Variants in MGAT2 observed in about 807,000 individuals in gnomAD.
The protein encoded by MGAT2 is Beta-1,2-N-acetylglucosaminyltransferase II.
Under a neutral mutation model 33.8 loss-of-function variants are expected in MGAT2, and 17 were observed. The ratio of observed to expected loss-of-function variants is 0.50; its 90% CI spans 0.34 to 0.76. The LOEUF is 0.76. Among genes scored for constraint, MGAT2 ranks in the 30% least tolerant of loss-of-function variants. MGAT2 has a pLI of 0.01. For missense variants in MGAT2, 529 were observed against 553.9 expected (o/e 0.96, Z 0.45); for synonymous variants, 248 against 226.7 (o/e 1.09, Z -0.84).
chr14:49,621,420 G>A lies in MGAT2; in HGVS notation c.152G>A (p.Gly51Asp). ...LLDAEPARGA[G>D]GRGGDHPSVA... ...GACGCCGAACCCGCGCGGGGTGCCG[G>A]CGGCCGCGGTGGGGACCACCCCTCT... The change falls in exon 1 of 1, where the codon GGC (glycine) becomes GAC (aspartate). Residue 51 changes from glycine (G) to aspartate (D), a missense_variant. Gly to Asp is a moderately conservative substitution (Grantham distance 94). This residue lies in a region of MGAT2 where 501 missense variants were observed against 501.1 expected (regional missense o/e 1.00). Transcript: ENST00000305386. The surrounding 1 kb of genome is among the most constrained non-coding windows in gnomAD (Gnocchi z 4.6). 1.2e-6 allele frequency: 2 copies of A among 1,608,016 alleles called. No homozygotes were observed.
Position 49,621,874 on chromosome 14 carries a change from G to T in MGAT2, c.606G>T (p.Lys202Asn). The change falls in exon 1 of 1, where the codon AAG (lysine) becomes AAT (asparagine). Residue 202 changes from lysine to asparagine, a missense_variant. Physicochemically the swap from Lys to Asn is moderately conservative, Grantham distance 94. This residue lies in a region of MGAT2 where 501 missense variants were observed against 501.1 expected (regional missense o/e 1.00). Transcript: ENST00000305386. This position sits in a 1 kb window ranked among gnomAD's most constrained non-coding sequence, Gnocchi z 4.6. ...DPRDCPRDLP[K>N]NAALKLGCIN... The stretch of plus-strand genomic sequence containing the variant: ...GAGATTGTCCCAGAGACCTGCCGAA[G>T]AATGCCGCTTTGAAATTGGGGTGCA... 1.2e-6 allele frequency: 2 copies of T among 1,614,180 alleles called. No homozygotes were observed. The highest frequency in any genetic ancestry group is 1.7e-6 in the Non-Finnish European group (2 of 1,180,040).
chr14:49,621,223 T>C lies in MGAT2; in HGVS notation c.-46T>C. On this transcript the variant is annotated 5_prime_UTR_variant, in exon 1 of 1. Transcript: ENST00000305386. The surrounding 1 kb of genome is among the most constrained non-coding windows in gnomAD (Gnocchi z 4.6). ...CCCGCCCCTTCCGTGCAGAAGCAGCTGCTCCTTTCCGCGCCCGCCCGCCTG... is the reference window on the plus strand; with the variant it reads ...CCCGCCCCTTCCGTGCAGAAGCAGCCGCTCCTTTCCGCGCCCGCCCGCCTG... 6.2e-7 allele frequency: 1 copy of C among 1,608,666 alleles called. No homozygotes were observed. The highest frequency in any genetic ancestry group is 8.5e-7 in the Non-Finnish European group (1 of 1,178,608).
At position 49,621,666 on chromosome 14, in the gene MGAT2, T is replaced by C. The variant is rs377539042; in HGVS notation, c.398T>C (p.Leu133Pro). 9 of 1,614,182 alleles carry C rather than the reference T, an allele frequency of 5.6e-6. No homozygotes were observed. Among genetic ancestry groups the C allele is most frequent in the Non-Finnish European group, 7.6e-6 (9 of 1,179,990 alleles). ...QVHNRPEYLRLLLDSLRKAQG... is the reference protein window; with the variant it reads ...QVHNRPEYLRPLLDSLRKAQG... ...CATAACCGGCCCGAATACCTCAGACTGCTGCTGGACTCACTTCGAAAAGCC... is the reference window on the plus strand; with the variant it reads ...CATAACCGGCCCGAATACCTCAGACCGCTGCTGGACTCACTTCGAAAAGCC... Residue 133 changes from leucine to proline, a missense_variant, in exon 1 of 1, where the codon CTG becomes CCG. By Grantham distance (98) the Leu-to-Pro change is moderately conservative. Coordinates refer to ENST00000305386, the MANE Select transcript of MGAT2 (RefSeq NM_002408.4). This position sits in a 1 kb window ranked among gnomAD's most constrained non-coding sequence, Gnocchi z 4.6.
Position 49,622,871 on chromosome 14 carries a change from G to T in MGAT2, c.*259G>T. The stretch of plus-strand genomic sequence containing the variant: ...GATTATTGTTGATATGAGAGAAGAG[G>T]GGAAATTTTATTTAAATTGCATTTA... On this transcript the variant is annotated 3_prime_UTR_variant, in exon 1 of 1. Transcript: ENST00000305386. 2 of 299,916 alleles carry T rather than the reference G, an allele frequency of 6.7e-6. No individual in the cohort carries two copies. The highest frequency in any genetic ancestry group is 1.3e-5 in the Non-Finnish European group (2 of 155,438). The allele number at this position is 299,916 out of a possible 1,614,324, so 18.6% of individuals were successfully genotyped here. A position where few individuals can be genotyped will look rare whatever the true frequency, so the allele number is the denominator to read the frequency against.
chr14:49,621,154 G>A lies in MGAT2; in HGVS notation c.-115G>A, dbSNP rs1403593661. On this transcript the variant is annotated 5_prime_UTR_variant, in exon 1 of 1. Transcript: ENST00000305386. The surrounding 1 kb of genome is among the most constrained non-coding windows in gnomAD (Gnocchi z 4.6). ...ATGAGTTAGCGAGGGCAGCCGCGGGGGCCAGTTCCGACCGTGACAGGCCAA... is the reference window on the plus strand; with the variant it reads ...ATGAGTTAGCGAGGGCAGCCGCGGGAGCCAGTTCCGACCGTGACAGGCCAA... 3 of 1,494,388 alleles carry A rather than the reference G, an allele frequency of 2.0e-6. No homozygotes were observed. The highest frequency in any genetic ancestry group is 1.9e-5 in the Admixed American group (1 of 51,952). 92.6% of individuals were successfully genotyped at this position (1,494,388 alleles called of 1,614,324 possible).
rs756139772 is a variant in MGAT2, at chr14:49,623,267, TTTG to T, written c.*658_*660del. The T allele has an allele frequency of 1.8e-5, 3 of 166,660 alleles. No individual in the cohort carries two copies. Among genetic ancestry groups the T allele is most frequent in the Admixed American group, 6.5e-5 (1 of 15,274 alleles). 10.3% of individuals were successfully genotyped at this position (166,660 alleles called of 1,614,324 possible). On this transcript the variant is annotated 3_prime_UTR_variant, in exon 1 of 1. Transcript: ENST00000305386. Reference sequence around the variant, plus strand: ...CACCTCAATGTAGAAATACAGTGGTTTTGTTTTTTTTTTTCTTTTAGTGCTGAC... The same window carrying T: ...CACCTCAATGTAGAAATACAGTGGTTTTTTTTTTTTTCTTTTAGTGCTGAC...
At position 49,622,045 on chromosome 14, in the gene MGAT2, A is replaced by G. The variant is rs576013113; in HGVS notation, c.777A>G (p.Glu259=). Reference sequence around the variant, plus strand: ...ATGCTGGCCTTATACTTTTCCTAGAAGAGGATCACTACTTAGCCCCAGACT... The same window carrying G: ...ATGCTGGCCTTATACTTTTCCTAGAGGAGGATCACTACTTAGCCCCAGACT... ...RDYAGLILFL[E]EDHYLAPDFY... is the part of the protein sequence containing the mutation. Residue 259 remains glutamate, a synonymous_variant, in exon 1 of 1, where the codon GAA becomes GAG. Coordinates refer to ENST00000305386, the MANE Select transcript of MGAT2 (RefSeq NM_002408.4). The G allele has an allele frequency of 6.8e-6, 11 of 1,614,214 alleles. No individual in the cohort carries two copies. In the African/African-American group the frequency reaches 1.3e-4, roughly 20 times the overall value.
chr14:49,621,364 G>A lies in MGAT2; in HGVS notation c.96G>A (p.Arg32=), dbSNP rs759649448. 2.5e-6 allele frequency: 4 copies of A among 1,612,022 alleles called. No individual in the cohort carries two copies. The highest frequency in any genetic ancestry group is 3.4e-6 in the Non-Finnish European group (4 of 1,179,446). ...TCTGGAGCAGCAATGGGCGACAAAGGAAGAACGAGGCCCTCGCCCCACCGT... is the reference window on the plus strand; with the variant it reads ...TCTGGAGCAGCAATGGGCGACAAAGAAAGAACGAGGCCCTCGCCCCACCGT... ...FVLWSSNGRQ[R]KNEALAPPLL... is the part of the protein sequence containing the mutation. The change falls in exon 1 of 1, where the codon AGG becomes AGA. Residue 32 remains arginine (R), a synonymous_variant. Coordinates refer to ENST00000305386, the MANE Select transcript of MGAT2 (RefSeq NM_002408.4). The surrounding 1 kb of genome is among the most constrained non-coding windows in gnomAD (Gnocchi z 4.6).
rs1057081825 is a variant in MGAT2, at chr14:49,622,730, TA to T, written c.*122del. ...GCTTTAATACAAAAACAAAATCTTG[TA>T]AAAGGTGTCCAAATACATAGTAATC... On this transcript the variant is annotated 3_prime_UTR_variant, in exon 1 of 1. Coordinates refer to ENST00000305386, the MANE Select transcript of MGAT2 (RefSeq NM_002408.4). The T allele has an allele frequency of 9.8e-5, 100 of 1,025,544 alleles. No individual in the cohort carries two copies. In the African/African-American group the frequency reaches 1.4e-3, roughly 15 times the overall value. 63.5% of individuals were successfully genotyped at this position (1,025,544 alleles called of 1,614,324 possible).
Position 49,622,711 on chromosome 14 carries a change from A to T in MGAT2, c.*99A>T. On this transcript the variant is annotated 3_prime_UTR_variant, in exon 1 of 1. Transcript: ENST00000305386. ...AGTTTAGGAACTGGTTTCTGCTTTA[A>T]TACAAAAACAAAATCTTGTAAAAGG... 8.0e-7 allele frequency: 1 copy of T among 1,253,946 alleles called. No individual in the cohort carries two copies. The highest frequency in any genetic ancestry group is 1.7e-5 in the South Asian group (1 of 59,572). 77.7% of individuals were successfully genotyped at this position (1,253,946 alleles called of 1,614,324 possible).
In MGAT2 at chr14:49,621,661, C is replaced by T. The variant is rs563720279; in HGVS notation, c.393C>T (p.Leu131=). 1.2e-6 allele frequency: 2 copies of T among 1,614,184 alleles called. No individual in the cohort carries two copies. Among genetic ancestry groups the T allele is most frequent in the Non-Finnish European group, 1.7e-6 (2 of 1,180,020 alleles). Residue 131 remains leucine, a synonymous_variant, in exon 1 of 1, where the codon CTC becomes CTT. Transcript: ENST00000305386. This position sits in a 1 kb window ranked among gnomAD's most constrained non-coding sequence, Gnocchi z 4.6. ...VVQVHNRPEY[L]RLLLDSLRKA... ...AGGTGCATAACCGGCCCGAATACCT[C>T]AGACTGCTGCTGGACTCACTTCGAA... is the stretch of plus-strand genomic sequence containing the variant.
At position 49,621,829 on chromosome 14, in the gene MGAT2, G is replaced by A; in HGVS notation, c.561G>A (p.Glu187=). The change falls in exon 1 of 1, where the codon GAG becomes GAA. Residue 187 remains glutamate, a synonymous_variant. Coordinates refer to ENST00000305386, the MANE Select transcript of MGAT2 (RefSeq NM_002408.4). The surrounding 1 kb of genome is among the most constrained non-coding windows in gnomAD (Gnocchi z 4.6). ...FPFSIQLYPN[E]FPGSDPRDCP... ...TCAGCATTCAGTTGTACCCTAACGA[G>A]TTTCCAGGTAGTGACCCTAGAGATT... 1.9e-6 allele frequency: 3 copies of A among 1,614,194 alleles called. No homozygotes were observed. Among genetic ancestry groups the A allele is most frequent in the Non-Finnish European group, 2.5e-6 (3 of 1,180,040 alleles).
rs574061787 is a variant in MGAT2, at chr14:49,622,873, G to A, written c.*261G>A. On this transcript the variant is annotated 3_prime_UTR_variant, in exon 1 of 1. Transcript: ENST00000305386. ...TTATTGTTGATATGAGAGAAGAGGG[G>A]AAATTTTATTTAAATTGCATTTATT... 12 of 294,656 alleles carry A rather than the reference G, an allele frequency of 4.1e-5. No individual in the cohort carries two copies. The highest frequency in any genetic ancestry group is 7.9e-5 in the Non-Finnish European group (12 of 151,994). 18.3% of individuals were successfully genotyped at this position (294,656 alleles called of 1,614,324 possible).
At position 49,622,249 on chromosome 14, in the gene MGAT2, C is replaced by T. The variant is rs755036245; in HGVS notation, c.981C>T (p.Ala327=). 2.5e-6 allele frequency: 4 copies of T among 1,614,186 alleles called. No individual in the cohort carries two copies. The highest frequency in any genetic ancestry group is 3.4e-6 in the Non-Finnish European group (4 of 1,180,048). ...TGGGTCTAGCCTTGACCCGGAATGC[C>T]TATCAGAAGCTGATCGAGTGCACAG... ...HNMGLALTRN[A]YQKLIECTDT... is the part of the protein sequence containing the mutation. Residue 327 remains alanine, a synonymous_variant, in exon 1 of 1, where the codon GCC becomes GCT. Coordinates refer to ENST00000305386, the MANE Select transcript of MGAT2 (RefSeq NM_002408.4).
rs776720499 is a variant in MGAT2, at chr14:49,622,498, TCTAA to T, written c.1234_1237del (p.Thr412SerfsTer8). ...ACAAACAATACATGTTTCCAGAAAC[TCTAA>T]CTATCAGTGAAAAGTTTACTGTGGT... is the stretch of plus-strand genomic sequence containing the variant. On this transcript the variant is annotated frameshift_variant, in exon 1 of 1. Coordinates refer to ENST00000305386, the MANE Select transcript of MGAT2 (RefSeq NM_002408.4). LOFTEE classifies it high-confidence loss of function. 23 of 1,603,996 alleles carry T rather than the reference TCTAA, an allele frequency of 1.4e-5. No individual in the cohort carries two copies. Among genetic ancestry groups the T allele is most frequent in the African/African-American group, 4.0e-5 (3 of 74,214 alleles).
In MGAT2 at chr14:49,621,654, A is replaced by G; in HGVS notation, c.386A>G (p.Glu129Gly). Residue 129 changes from glutamate to glycine, a missense_variant, in exon 1 of 1, where the codon GAA becomes GGA. Around this residue, in one of 2 missense-constraint regions of MGAT2, gnomAD observed 501 missense variants for 501.1 expected, o/e 1.00. Coordinates refer to ENST00000305386, the MANE Select transcript of MGAT2 (RefSeq NM_002408.4). This position sits in a 1 kb window ranked among gnomAD's most constrained non-coding sequence, Gnocchi z 4.6. ...VLVVQVHNRPEYLRLLLDSLR... is the reference protein window; with the variant it reads ...VLVVQVHNRPGYLRLLLDSLR... ...GTGGTCCAGGTGCATAACCGGCCCG[A>G]ATACCTCAGACTGCTGCTGGACTCA... The G allele has an allele frequency of 6.2e-7, 1 of 1,614,124 alleles. No individual in the cohort carries two copies. The highest frequency in any genetic ancestry group is 2.2e-5 in the East Asian group (1 of 44,870).
In MGAT2 at chr14:49,622,156, C is replaced by T. The variant is rs149865945; in HGVS notation, c.888C>T (p.Ala296=). The T allele has an allele frequency of 2.2e-5, 35 of 1,614,036 alleles. No individual in the cohort carries two copies. Among genetic ancestry groups the T allele is most frequent in the Middle Eastern group, 1.6e-4 (1 of 6,084 alleles). Residue 296 remains alanine (A), a synonymous_variant, in exon 1 of 1, where the codon GCC becomes GCT. Transcript: ENST00000305386. ...TTCTCTCCCTGGGGACCTATAGTGC[C>T]AGTCGCAGTTTCTATGGCATGGCTG... The part of the protein sequence containing the change: ...CDVLSLGTYS[A]SRSFYGMADK...
chr14:49,620,933 A>T lies in MGAT2; in HGVS notation c.-336A>T, dbSNP rs1170177628. On this transcript the variant is annotated 5_prime_UTR_variant, in exon 1 of 1. Transcript: ENST00000305386. ...CGCTGGAGGCGCAGGTAACGAAGCT[A>T]GGGTGCGGTTGGGACCGCGGCTGAG... 1 of 701,722 alleles carries T rather than the reference A, an allele frequency of 1.4e-6. No homozygotes were observed. The highest frequency in any genetic ancestry group is 2.0e-5 in the Admixed American group (1 of 49,972). 43.5% of individuals were successfully genotyped at this position (701,722 alleles called of 1,614,324 possible).
rs189024052 is a variant in MGAT2, at chr14:49,621,534, T to C, written c.266T>C (p.Leu89Pro). 3 of 1,613,336 alleles carry C rather than the reference T, an allele frequency of 1.9e-6. No homozygotes were observed. The highest frequency in any genetic ancestry group is 2.5e-6 in the Non-Finnish European group (3 of 1,179,802). ...CAGCCCGAGGCGGACAACCTGACGCTGCGGTACCGGTCCCTGGTGTACCAG... is the reference window on the plus strand; with the variant it reads ...CAGCCCGAGGCGGACAACCTGACGCCGCGGTACCGGTCCCTGGTGTACCAG... ...VPQPEADNLT[L>P]RYRSLVYQLN... The change falls in exon 1 of 1, where the codon CTG becomes CCG. Residue 89 changes from leucine (L) to proline (P), a missense_variant. Leu to Pro is a moderately conservative substitution (Grantham distance 98). Coordinates refer to ENST00000305386, the MANE Select transcript of MGAT2 (RefSeq NM_002408.4). The surrounding 1 kb of genome is among the most constrained non-coding windows in gnomAD (Gnocchi z 4.6).
Sources: gnomAD v4.1 joint callset for allele counts on GRCh38, gnomAD v4.1.1 for gene constraint, gnomAD v4.1.1 regional missense constraint, Gnocchi (gnomAD v3.1) non-coding constraint, MANE v1.5 for transcripts, NCBI Gene and HGNC (gene_info 2026-07-23, HGNC 2026-07-21) for gene names.